The following ARHGAP1 variants were observed in gnomAD, a reference collection of about 807,000 sequenced individuals.
The protein encoded by ARHGAP1 is rho GTPase-activating protein 1.
In ARHGAP1, 23 loss-of-function variants were observed where a neutral mutation model predicts 52.2. The observed-to-expected ratio is 0.44, with a 90% confidence interval of 0.32 to 0.62. The LOEUF is 0.62. ARHGAP1 is among the 20% of genes least tolerant of loss of function. The probability of loss-of-function intolerance (pLI) is 0.05; values close to 1 mark genes in which losing one functional copy is unlikely to be tolerated. For missense variants in ARHGAP1, 480 were observed against 560.9 expected, an observed-to-expected ratio of 0.86 and a Z score of 1.46; for synonymous variants, 210 against 228.4, an observed-to-expected ratio of 0.92 and a Z score of 0.73.
At position 46,677,881 on chromosome 11, in the gene ARHGAP1, C is replaced by T. The variant is rs559893787; in HGVS notation, c.*1156G>A. On this transcript the variant is annotated 3_prime_UTR_variant, in exon 13 of 13. Transcript: ENST00000311956. ...AGGAGAATTGCTTGAACCCAGAAGG[C>T]GGAGGTGTGCCGAGATCGCGCCACT... The T allele has an allele frequency of 1.7e-4, 69 of 416,524 alleles. No homozygotes were observed. The highest frequency in any genetic ancestry group is 1.4e-3 in the African/African-American group (63 of 46,638). The allele number at this position is 416,524 out of a possible 1,614,324, so 25.8% of individuals were successfully genotyped here. A position where few individuals can be genotyped will look rare whatever the true frequency, so the allele number is the denominator to read the frequency against.
intron 3 of ARHGAP1, chr11:46,695,160 T>G (rs1592392624): frequency 3.0e-6 from 1 of 331,300 alleles, no homozygotes; most frequent in East Asian, 7.7e-5. Context: ...GTACCCACTC[T>G]CAGCAGGGCA....
At position 46,691,155 on chromosome 11, in the gene ARHGAP1, A is replaced by G. The variant is rs555339915; in HGVS notation, c.230-2895T>C. On this transcript the variant is annotated intron_variant, in intron 3 of 12. Coordinates refer to ENST00000311956, the MANE Select transcript of ARHGAP1 (RefSeq NM_004308.5). ...GTAGCTGGGATTACAGTTGCGTACC[A>G]TGGCACCTACAGTCTCCAGTACTGG... Among the ~76,000 whole-genome samples, 120 of 152,218 alleles carry G rather than the reference A, an allele frequency of 7.9e-4. 1 individual carries two copies. The highest frequency in any genetic ancestry group is 2.8e-3 in the African/African-American group (118 of 41,546).
At chr11:46,687,242 G>A (rs1475057882) in intron 4 of ARHGAP1, 1 of 152,336 alleles carries the variant, frequency 6.6e-6, no homozygotes, top group Non-Finnish European at 1.5e-5. Flanking sequence ...AAGAGCAGTG[G>A]GAAGAGGGTT....
intron 4 of ARHGAP1, among the ~76,000 whole-genome samples, chr11:46,682,844 A>G (rs1175633231): frequency 6.6e-6 from 1 of 152,184 alleles, no homozygotes; most frequent in Non-Finnish European, 1.5e-5. Context: ...GATGACAGTC[A>G]CCATTTCTCA....
chr11:46,680,187 C>T lies in ARHGAP1; in HGVS notation c.898+18G>A. ...CAGTAACACACATATGGCCCTGCAA[C>T]AGCCCAGGGCTGCTCACCCATGTTG... On this transcript the variant is annotated intron_variant, in intron 10 of 12. Transcript: ENST00000311956. The surrounding 1 kb of genome is among the most constrained non-coding windows in gnomAD (Gnocchi z 5.9). 6.2e-7 allele frequency: 1 copy of T among 1,613,412 alleles called. No individual in the cohort carries two copies. Among genetic ancestry groups the T allele is most frequent in the Non-Finnish European group, 8.5e-7 (1 of 1,179,416 alleles).
At chr11:46,682,431 C>T (rs2134480184) in intron 4 of ARHGAP1, among the ~76,000 whole-genome samples, 2 of 152,346 alleles carry the variant, frequency 1.3e-5, no homozygotes, top group Admixed American at 1.3e-4. Context: ...TGCCTGTAAT[C>T]CCAACACTTT....
chr11:46,682,775 C>T (rs1369314919), intron 4 of ARHGAP1, among the ~76,000 whole-genome samples: 1 of 152,174 alleles, frequency 6.6e-6, no homozygotes, highest in Non-Finnish European at 1.5e-5. Flanking sequence ...CCTAGGCCTG[C>T]AGTGAAAAGG....
intron 4 of ARHGAP1, among the ~76,000 whole-genome samples, chr11:46,683,151 G>C (rs2064541641): frequency 6.8e-6 from 1 of 147,822 alleles, no homozygotes; most frequent in Admixed American, 7.0e-5. Context: ...CTATCCTCCT[G>C]CCTCAGCCTC....
At chr11:46,689,534 AATT>A (rs926671865) in intron 3 of ARHGAP1, among the ~76,000 whole-genome samples, 1 of 152,054 alleles carries the variant, frequency 6.6e-6, no homozygotes, top group South Asian at 2.1e-4. Context: ...TCTTATCTCA[AATT>A]ATTATTACTA....
chr11:46,677,155 A>C lies in ARHGAP1; in HGVS notation c.*1882T>G, dbSNP rs2064483019. The C allele has an allele frequency of 6.5e-6, 1 of 152,680 alleles. No homozygotes were observed. The highest frequency in any genetic ancestry group is 1.5e-5 in the Non-Finnish European group (1 of 68,048). The allele number at this position is 152,680 out of a possible 1,614,324, so 9.5% of individuals were successfully genotyped here. A position where few individuals can be genotyped will look rare whatever the true frequency, so the allele number is the denominator to read the frequency against. ...CATGATTGGTGCCAAGGAAGTCATT[A>C]AGTGTGAATGTGAACACTGGATTCA... On this transcript the variant is annotated 3_prime_UTR_variant, in exon 13 of 13. Transcript: ENST00000311956.
rs766622593 is a variant in ARHGAP1, at chr11:46,677,946, A to C, written c.*1091T>G. 2 of 334,960 alleles carry C rather than the reference A, an allele frequency of 6.0e-6. No individual in the cohort carries two copies. Among genetic ancestry groups the C allele is most frequent in the Non-Finnish European group, 1.2e-5 (2 of 165,096 alleles). 20.7% of individuals were successfully genotyped at this position (334,960 alleles called of 1,614,324 possible). A position where few individuals can be genotyped will look rare whatever the true frequency, so the allele number is the denominator to read the frequency against. On this transcript the variant is annotated 3_prime_UTR_variant, in exon 13 of 13. Transcript: ENST00000311956. The stretch of plus-strand genomic sequence containing the variant: ...TGACAGAGCGAGACTCCATCTCAGA[A>C]AAAAAAAAAAAAAGGTGGCCCTAGA...
At position 46,679,475 on chromosome 11, in the gene ARHGAP1, G is replaced by A; in HGVS notation, c.1028-7C>T. The A allele has an allele frequency of 6.2e-7, 1 of 1,613,192 alleles. No individual in the cohort carries two copies. The highest frequency in any genetic ancestry group is 8.5e-7 in the Non-Finnish European group (1 of 1,179,264). On this transcript the variant is annotated splice_region_variant and splice_polypyrimidine_tract_variant and intron_variant, in intron 11 of 12. Transcript: ENST00000311956. The surrounding 1 kb of genome is among the most constrained non-coding windows in gnomAD (Gnocchi z 4.4). ...CTCTGGCTTTCATCAATGTCTATGA[G>A]GAAAGGAGGCCCGGGTTATAGGGGC...
At position 46,680,491 on chromosome 11, in the gene ARHGAP1, G is replaced by A. The variant is rs765488258; in HGVS notation, c.816C>T (p.Ala272=). ...GGAGGCAGGCCCGGCACTCACCGTGGGCCTGTAAGTAGGCAACAGTCTCCC... is the reference window on the plus strand; with the variant it reads ...GGAGGCAGGCCCGGCACTCACCGTGAGCCTGTAAGTAGGCAACAGTCTCCC... The part of the protein sequence containing the change: ...VLRETVAYLQ[A]HALTTEGIFR... The change falls in exon 9 of 13, where the codon GCC becomes GCT. Residue 272 remains alanine, a synonymous_variant. Transcript: ENST00000311956. The surrounding 1 kb of genome is among the most constrained non-coding windows in gnomAD (Gnocchi z 5.9). The A allele has an allele frequency of 2.5e-6, 4 of 1,613,832 alleles. No homozygotes were observed. The highest frequency in any genetic ancestry group is 3.3e-5 in the Admixed American group (2 of 60,024).
chr11:46,678,846 G>A lies in ARHGAP1; in HGVS notation c.*191C>T. On this transcript the variant is annotated 3_prime_UTR_variant, in exon 13 of 13. Transcript: ENST00000311956. ...CCAGAGAGGCAGTGAGAAGTGTAAG[G>A]CAGAGAAAAACGTCTTCTGGTAACA... 1 of 641,212 alleles carries A rather than the reference G, an allele frequency of 1.6e-6. No individual in the cohort carries two copies. 39.7% of individuals were successfully genotyped at this position (641,212 alleles called of 1,614,324 possible).
chr11:46,698,718 C>T (rs4612753), intron 1 of ARHGAP1, among the ~76,000 whole-genome samples: 17,388 of 152,064 alleles, frequency 0.11, 3,326 homozygotes, highest in African/African-American at 0.4. Flanking sequence ...CCAGTGACTG[C>T]TCTTCTATGC....
At chr11:46,695,519 A>G in intron 3 of ARHGAP1, 141 bp downstream of exon 3, 1 of 882,602 alleles carries the variant, frequency 1.1e-6, no homozygotes, top group South Asian at 1.4e-5. Flanking sequence ...CAAAGCCACT[A>G]GGCCACATGG....
In ARHGAP1 at chr11:46,678,747, G is replaced by A. The variant is rs2064500271; in HGVS notation, c.*290C>T. 1 of 427,848 alleles carries A rather than the reference G, an allele frequency of 2.3e-6. No homozygotes were observed. Among genetic ancestry groups the A allele is most frequent in the Non-Finnish European group, 4.2e-6 (1 of 238,336 alleles). The allele number at this position is 427,848 out of a possible 1,614,324, so 26.5% of individuals were successfully genotyped here. A position where few individuals can be genotyped will look rare whatever the true frequency, so the allele number is the denominator to read the frequency against. ...AGAGGCAGGAAAAAGCAGGAAAGGG[G>A]TTACTGGGGCTCAGTCCTTCTCCAG... On this transcript the variant is annotated 3_prime_UTR_variant, in exon 13 of 13. Coordinates refer to ENST00000311956, the MANE Select transcript of ARHGAP1 (RefSeq NM_004308.5).
Position 46,681,133 on chromosome 11 carries a change from G to A in ARHGAP1, c.537-24C>T. 6.2e-7 allele frequency: 1 copy of A among 1,605,160 alleles called. No individual in the cohort carries two copies. Among genetic ancestry groups the A allele is most frequent in the Non-Finnish European group, 8.5e-7 (1 of 1,171,814 alleles). On this transcript the variant is annotated intron_variant, in intron 6 of 12. Coordinates refer to ENST00000311956, the MANE Select transcript of ARHGAP1 (RefSeq NM_004308.5). This position sits in a 1 kb window ranked among gnomAD's most constrained non-coding sequence, Gnocchi z 5.7. ...AGCTGTTGGTGGAAGAAAGGGCCTG[G>A]GTTGTGGGGGCCCGCTTCCGGTGGC...
chr11:46,678,090 C>T lies in ARHGAP1; in HGVS notation c.*947G>A. On this transcript the variant is annotated 3_prime_UTR_variant, in exon 13 of 13. Coordinates refer to ENST00000311956, the MANE Select transcript of ARHGAP1 (RefSeq NM_004308.5). ...CTACCCCAGCCCCTTTAAGAGTCCCCCAGCTGGAGGAAGGAGCCATAAGAT... is the reference window on the plus strand; with the variant it reads ...CTACCCCAGCCCCTTTAAGAGTCCCTCAGCTGGAGGAAGGAGCCATAAGAT... The T allele has an allele frequency of 3.3e-6, 1 of 303,026 alleles. No homozygotes were observed. The highest frequency in any genetic ancestry group is 2.5e-5 in the South Asian group (1 of 40,562). 18.8% of individuals were successfully genotyped at this position (303,026 alleles called of 1,614,324 possible).
Sources: allele counts gnomAD v4.1 joint callset (sites outside exome capture counted in the v4.1 genomes callset), GRCh38; gene constraint gnomAD v4.1.1; non-coding constraint Gnocchi (gnomAD v3.1); transcripts MANE v1.5; gene names NCBI Gene and HGNC (gene_info 2026-07-23, HGNC 2026-07-21).